Variants in PPP6C observed in about 807,000 individuals in gnomAD.
The protein encoded by PPP6C is protein phosphatase 6 catalytic subunit.
Under a neutral mutation model 39.8 loss-of-function variants are expected in PPP6C, and 11 were observed. The ratio of observed to expected loss-of-function variants is 0.28; its 90% confidence interval spans 0.17 to 0.46. The LOEUF is 0.46. Among genes scored for constraint, PPP6C ranks in the 20% least tolerant of loss-of-function variants. The pLI, the probability that PPP6C is intolerant of heterozygous loss-of-function variation, is 1.00. For missense variants in PPP6C, 211 were observed against 373.9 expected (o/e 0.56, Z 3.59); for synonymous variants, 129 against 130.3 (o/e 0.99, Z 0.07).
chr9:125,182,998 G>A (rs1829450940), intron 1 of PPP6C, among the ~76,000 whole-genome samples: 1 of 152,066 alleles, frequency 6.6e-6, no homozygotes, highest in Admixed American at 6.6e-5. Flanking sequence ...CTATCTCAAT[G>A]TCTTAGCTTG....
intron 1 of PPP6C, among the ~76,000 whole-genome samples, chr9:125,188,026 A>G (rs1222078329): frequency 6.6e-6 from 1 of 152,078 alleles, no homozygotes; most frequent in Non-Finnish European, 1.5e-5. Flanking sequence ...GACTGATGTT[A>G]AGTATCAACT....
chr9:125,189,267 G>A (rs867762696), intron 1 of PPP6C, among the ~76,000 whole-genome samples: 2 of 152,248 alleles, frequency 1.3e-5, no homozygotes, highest in Non-Finnish European at 2.9e-5. Context: ...TCCGGTGGAG[G>A]CGACCCCATC....
At chr9:125,185,197 GCTC>G (rs1829500036) in intron 1 of PPP6C, among the ~76,000 whole-genome samples, 1 of 151,474 alleles carries the variant, frequency 6.6e-6, no homozygotes, top group Non-Finnish European at 1.5e-5. Flanking sequence ...AATCACATGA[GCTC>G]TTTATAAGAA....
At chr9:125,183,575 A>G (rs1829462916) in intron 1 of PPP6C, among the ~76,000 whole-genome samples, 1 of 152,186 alleles carries the variant, frequency 6.6e-6, no homozygotes, top group Admixed American at 6.6e-5. Context: ...TCTAAGTTTA[A>G]CAGCCTACTC....
chr9:125,188,793 C>CAGTAATAATAATAAT (rs1829589465), intron 1 of PPP6C: 1 of 252,976 alleles, frequency 4.0e-6, no homozygotes, highest in Non-Finnish European at 7.0e-6. Context: ...CAGTTAAAAA[C>CAGTAATAATAATAAT]AATAATAATA....
chr9:125,157,696 G>GTTTT (rs11375288), intron 4 of PPP6C, among the ~76,000 whole-genome samples: 1 of 140,026 alleles, frequency 7.1e-6, no homozygotes, highest in Non-Finnish European at 1.5e-5. Context: ...TTTTTTTTTG[G>GTTTT]TTTTTTTTTT....
intron 2 of PPP6C, among the ~76,000 whole-genome samples, chr9:125,162,457 CAAAAAAAAA>C (rs977223135): frequency 0.38 from 26,798 of 70,960 alleles, 3,427 homozygotes; most frequent in East Asian, 0.46. Flanking sequence ...GATTCTGTCT[CAAAAAAAAA>C]AAAAAAAAAA....
chr9:125,175,294 G>T (rs1829271999), intron 1 of PPP6C, among the ~76,000 whole-genome samples: 1 of 151,974 alleles, frequency 6.6e-6, no homozygotes, highest in South Asian at 2.1e-4. Context: ...TATACTGAAA[G>T]ATGTTCTCGA....
chr9:125,150,002 T>C (rs74740685), intron 6 of PPP6C, 81 bp from the exon 7 acceptor site: 1 of 1,479,486 alleles, frequency 6.8e-7, no homozygotes, highest in East Asian at 2.3e-5. Flanking sequence ...AAATACCAAA[T>C]CCTATTACTA....
At chr9:125,183,454 CTTTTA>C (rs1052389072) in intron 1 of PPP6C, among the ~76,000 whole-genome samples, 2 of 152,166 alleles carry the variant, frequency 1.3e-5, no homozygotes, top group African/African-American at 4.8e-5. Flanking sequence ...TTTGAATCTA[CTTTTA>C]TTTTTAGTTA....
chr9:125,188,945 A>G, intron 1 of PPP6C: 1 of 1,548,882 alleles, frequency 6.5e-7, no homozygotes, highest in Non-Finnish European at 8.7e-7. Flanking sequence ...AGAAAATGAA[A>G]TACTGAGTTA....
chr9:125,168,115 T>C (rs530286480), intron 2 of PPP6C, among the ~76,000 whole-genome samples: 2 of 152,210 alleles, frequency 1.3e-5, no homozygotes, highest in Non-Finnish European at 2.9e-5. Context: ...TTACCCTCCA[T>C]TGCCTCTGTA....
chr9:125,176,959 T>A (rs1013130158), intron 1 of PPP6C, among the ~76,000 whole-genome samples: 1 of 152,178 alleles, frequency 6.6e-6, no homozygotes, highest in South Asian at 2.1e-4. Context: ...CTGGAAATAA[T>A]CATTACTGAG....
chr9:125,155,904 C>CAAAAAAAA (rs1231626756), intron 4 of PPP6C, among the ~76,000 whole-genome samples: 2 of 61,454 alleles, frequency 3.3e-5, no homozygotes, highest in African/African-American at 1.3e-4. Context: ...GACTCCGTCT[C>CAAAAAAAA]AAAAAAAAAA....
At chr9:125,155,529 C>T (rs997542962) in intron 4 of PPP6C, among the ~76,000 whole-genome samples, 48 of 152,272 alleles carry the variant, frequency 3.2e-4, no homozygotes, top group African/African-American at 1.1e-3. Context: ...ACTGAAGTCC[C>T]AGTGTAAAGT....
chr9:125,162,090 C>CAA (rs200905430), intron 2 of PPP6C, among the ~76,000 whole-genome samples: 4 of 105,686 alleles, frequency 3.8e-5, no homozygotes, highest in East Asian at 5.4e-4. Flanking sequence ...AAAAGTCAGA[C>CAA]AAAAAAAAAA....
At position 125,149,635 on chromosome 9, in the gene PPP6C, GA is replaced by G. The variant is rs775809686; in HGVS notation, c.*37del. ...TAATACAAGAAAATTGGGGTAAGAAGAGGGCAGAAAAATGGGTCAGCAGGAT... is the reference window on the plus strand; with the variant it reads ...TAATACAAGAAAATTGGGGTAAGAAGGGGCAGAAAAATGGGTCAGCAGGAT... On this transcript the variant is annotated 3_prime_UTR_variant, in exon 7 of 7. Transcript: ENST00000373547. The G allele has an allele frequency of 6.2e-7, 1 of 1,602,396 alleles. No individual in the cohort carries two copies. The highest frequency in any genetic ancestry group is 1.1e-5 in the South Asian group (1 of 89,716).
intron 1 of PPP6C, among the ~76,000 whole-genome samples, chr9:125,177,132 T>TG (rs1829316674): frequency 6.6e-6 from 1 of 151,012 alleles, no homozygotes; most frequent in Non-Finnish European, 1.5e-5. Flanking sequence ...CCCAGCACTT[T>TG]GGGGGGTCGA....
At position 125,189,764 on chromosome 9, in the gene PPP6C, C is replaced by G. The variant is rs561981267; in HGVS notation, c.-46G>C. 46 of 1,546,026 alleles carry G rather than the reference C, an allele frequency of 3.0e-5. No homozygotes were observed. The African/African-American group carries it at 5.7e-4, about 19-fold the overall frequency. ...GCAACAGCGGCGGCGGCGGCTGTAG[C>G]AGCGGCGGCGGCAGCGGCGGAGGCC... On this transcript the variant is annotated 5_prime_UTR_variant, in exon 1 of 7. Transcript: ENST00000373547.
Sources: gnomAD v4.1 joint callset for allele counts (sites outside exome capture counted in the v4.1 genomes callset) on GRCh38, gnomAD v4.1.1 for gene constraint, MANE v1.5 for transcripts, NCBI Gene and HGNC (gene_info 2026-07-23, HGNC 2026-07-21) for gene names.